DMPK: variants seen among roughly 807,000 people sequenced by gnomAD.
The protein encoded by DMPK is myotonin-protein kinase.
DMPK carries 32 observed loss-of-function variants against 70.3 expected under a neutral mutation model. The observed-to-expected ratio is 0.46, with a 90% CI of 0.34 to 0.61. The LOEUF is 0.61. Among genes scored for constraint, DMPK ranks in the 20% least tolerant of loss-of-function variants. The pLI is 0.01. For missense variants in DMPK, 899 were observed against 886.0 expected (o/e 1.01, Z -0.19); for synonymous variants, 469 against 390.9 (o/e 1.20, Z -2.36).
chr19:45,778,280 G>T (rs982843130), intron 5 of DMPK, 60 bp from the exon 6 acceptor site: 9 of 1,522,202 alleles, frequency 5.9e-6, no homozygotes, highest in Non-Finnish European at 8.1e-6. Flanking sequence ...GTCCCACCAG[G>T]CTCCGCCCCT....
intron 10 of DMPK, 146 bp downstream of exon 10, chr19:45,772,495 T>C (rs1236858493): frequency 1.8e-6 from 1 of 545,590 alleles, no homozygotes; most frequent in Non-Finnish European, 3.2e-6. Flanking sequence ...CCGTCCCATG[T>C]CTGAAGTAAC....
chr19:45,771,580 C>G lies in DMPK; in HGVS notation c.1588G>C (p.Glu530Gln), dbSNP rs1256704002. 1 of 1,613,876 alleles carries G rather than the reference C, an allele frequency of 6.2e-7. No individual in the cohort carries two copies. Among genetic ancestry groups the G allele is most frequent in the African/African-American group, 1.3e-5 (1 of 74,918 alleles). The change falls in exon 12 of 15, where the codon GAG (glutamate) becomes CAG (glutamine). Residue 530 changes from glutamate (E) to glutamine (Q), a missense_variant. Coordinates refer to ENST00000291270, the MANE Select transcript of DMPK (RefSeq NM_004409.5). ...ATGAGGGACTCACCTGTGGCTCCCT[C>G]TGCCTGCAGCAACTCCATCCGCTCC... ...LQERMELLQAEGATAVTGVPS... is the reference protein window; with the variant it reads ...LQERMELLQAQGATAVTGVPS...
intron 9 of DMPK, among the ~76,000 whole-genome samples, chr19:45,774,078 T>C (rs913442667): frequency 1.7e-4 from 25 of 150,758 alleles, no homozygotes; most frequent in African/African-American, 5.4e-4. Context: ...CTCAGCCTCC[T>C]GAGTAGCTGG....
At position 45,778,608 on chromosome 19, in the gene DMPK, G is replaced by T. The variant is rs750445251; in HGVS notation, c.466C>A (p.Leu156Met). ...LVMEYYVGGD[L>M]LTLLSKFGER... is the part of the protein sequence containing the mutation. Reference sequence around the variant, plus strand: ...CCAAACTTGCTCAGCAGTGTCAGCAGGTCCCCGCCCACGTAATACTCCATG... The same window carrying T: ...CCAAACTTGCTCAGCAGTGTCAGCATGTCCCCGCCCACGTAATACTCCATG... Residue 156 changes from leucine (L) to methionine (M), a missense_variant, in exon 5 of 15, where the codon CTG becomes ATG. Coordinates refer to ENST00000291270, the MANE Select transcript of DMPK (RefSeq NM_004409.5). 2 of 1,613,814 alleles carry T rather than the reference G, an allele frequency of 1.2e-6. No individual in the cohort carries two copies. Among genetic ancestry groups the T allele is most frequent in the South Asian group, 2.2e-5 (2 of 91,086 alleles).
intron 9 of DMPK, among the ~76,000 whole-genome samples, chr19:45,773,586 A>G (rs575002841): frequency 6.6e-6 from 1 of 152,344 alleles, no homozygotes; most frequent in African/African-American, 2.4e-5. Context: ...AGCTCACGAG[A>G]TATCAACTTC....
rs781435746 is a variant in DMPK, at chr19:45,782,208, C to T, written c.145G>A (p.Asp49Asn). The T allele has an allele frequency of 8.0e-6, 12 of 1,503,812 alleles. No homozygotes were observed. The highest frequency in any genetic ancestry group is 2.3e-5 in the South Asian group (2 of 85,678). The allele number at this position is 1,503,812 out of a possible 1,614,324, so 93.2% of individuals were successfully genotyped here. ...AGGCACTCACCCCACTGCAAGAAGT[C>T]GGCCACGTACTTGTCCTGGGCCAGT... ...SELAQDKYVA[D>N]FLQWAEPIVV... The change falls in exon 1 of 15, where the codon GAC becomes AAC. Residue 49 changes from aspartate to asparagine, a missense_variant. Coordinates refer to ENST00000291270, the MANE Select transcript of DMPK (RefSeq NM_004409.5).
Position 45,771,437 on chromosome 19 carries a change from G to C in DMPK, c.1601-41C>G, listed in dbSNP as rs1043288925. On this transcript the variant is annotated intron_variant, in intron 12 of 14. Transcript: ENST00000291270. ...AGAGGCATAGGGCGCGTGGAGGGGCGAAGGAGGGCGGTGGCGCGGCGTGCC... is the reference window on the plus strand; with the variant it reads ...AGAGGCATAGGGCGCGTGGAGGGGCCAAGGAGGGCGGTGGCGCGGCGTGCC... 17 of 1,611,136 alleles carry C rather than the reference G, an allele frequency of 1.1e-5. 1 individual carries two copies. The Middle Eastern group carries it at 8.5e-4, about 80-fold the overall frequency.
At position 45,771,009 on chromosome 19, in the gene DMPK, C is replaced by G. The variant is rs763588179; in HGVS notation, c.1699G>C (p.Gly567Arg). ...AGCAGGTGGCGGCGGTGCATGGGGC[C>G]TGGCCCCACCAGCGGGCACTGGCCC... Reference protein sequence around the residue: ...AVGQCPLVGPGPMHRRHLLLP... With the variant: ...AVGQCPLVGPRPMHRRHLLLP... The change falls in exon 14 of 15, where the codon GGC becomes CGC. Residue 567 changes from glycine (G) to arginine (R), a missense_variant. Coordinates refer to ENST00000291270, the MANE Select transcript of DMPK (RefSeq NM_004409.5). 2.0e-6 allele frequency: 3 copies of G among 1,472,618 alleles called. No individual in the cohort carries two copies. Among genetic ancestry groups the G allele is most frequent in the Non-Finnish European group, 2.7e-6 (3 of 1,115,842 alleles). 91.2% of individuals were successfully genotyped at this position (1,472,618 alleles called of 1,614,324 possible).
In DMPK at chr19:45,771,785, G is replaced by C. The variant is rs751708764; in HGVS notation, c.1488C>G (p.Asn496Lys). 1 of 1,571,104 alleles carries C rather than the reference G, an allele frequency of 6.4e-7. No individual in the cohort carries two copies. Among genetic ancestry groups the C allele is most frequent in the East Asian group, 2.4e-5 (1 of 42,386 alleles). ...CCGATCCCGACCTGGCGAAGTTCTG[G>C]TTGTCCGTGCGGATGGCCTCCATCT... ...SREMEAIRTD[N>K]QNFASQLREA... Residue 496 changes from asparagine (N) to lysine (K), a missense_variant, in exon 11 of 15, where the codon AAC (asparagine) becomes AAG (lysine). By Grantham distance (94) the Asn-to-Lys change is moderately conservative (BLOSUM62 0). Transcript: ENST00000291270.
chr19:45,778,728 C>T lies in DMPK; in HGVS notation c.433-87G>A, dbSNP rs909467891. ...GCTGGGACAACCCCTCCCAGAGACA[C>T]CCCATCCTTGGGCAGAGACCTGCAG... On this transcript the variant is annotated intron_variant, in intron 4 of 14. Transcript: ENST00000291270. The T allele has an allele frequency of 1.9e-5, 27 of 1,409,250 alleles. No individual in the cohort carries two copies. In the East Asian group the frequency reaches 5.9e-4, roughly 31 times the overall value. 87.3% of individuals were successfully genotyped at this position (1,409,250 alleles called of 1,614,324 possible).
At chr19:45,782,159 C>A (rs756892589) in intron 1 of DMPK, 34 bp downstream of exon 1, 4 of 1,345,322 alleles carry the variant, frequency 3.0e-6, no homozygotes, top group South Asian at 1.5e-5. Flanking sequence ...CCACCCCCAC[C>A]CCATCTGCAG....
In DMPK at chr19:45,771,400, G is replaced by C. The variant is rs778687006; in HGVS notation, c.1601-4C>G. ...GGACTGGGGACCCCCGTGACAGCTG[G>C]AAGGAGAAGAAAGAGGCATAGGGCG... On this transcript the variant is annotated splice_region_variant and splice_polypyrimidine_tract_variant and intron_variant, in intron 12 of 14. Transcript: ENST00000291270. 3.1e-6 allele frequency: 5 copies of C among 1,608,266 alleles called. No individual in the cohort carries two copies. The African/African-American group carries it at 6.7e-5, about 22-fold the overall frequency.
chr19:45,775,097 C>A (rs1969707424), intron 8 of DMPK, 63 bp from the exon 9 acceptor site: 9 of 1,352,390 alleles, frequency 6.7e-6, no homozygotes, highest in African/African-American at 1.4e-5. Context: ...GCTTTTTGAT[C>A]TTGGCTTACA....
intron 9 of DMPK, among the ~76,000 whole-genome samples, chr19:45,773,034 C>CA (rs2146231879): frequency 6.6e-6 from 1 of 152,376 alleles, no homozygotes; most frequent in East Asian, 1.9e-4. Context: ...AGGGTCAGCT[C>CA]ATCTCCTCCC....
intron 9 of DMPK, among the ~76,000 whole-genome samples, chr19:45,774,423 G>A (rs1271317707): frequency 6.6e-6 from 1 of 151,770 alleles, no homozygotes; most frequent in Non-Finnish European, 1.5e-5. Flanking sequence ...CACCATGCCC[G>A]GCTAATTTTT....
rs756284189 is a variant in DMPK at position 45,778,257 on chromosome 19, C to T, written c.582-37G>A. ...AAAAGAGAAGGGTGGGATAAATGAA[C>T]CTCCCTTCTGTGGTCCCACCAGGCT... On this transcript the variant is annotated intron_variant, in intron 5 of 14. Coordinates refer to ENST00000291270, the MANE Select transcript of DMPK (RefSeq NM_004409.5). 1.3e-5 allele frequency: 21 copies of T among 1,578,242 alleles called. No individual in the cohort carries two copies. In the South Asian group the frequency reaches 1.8e-4, roughly 14 times the overall value.
chr19:45,778,576 C>G lies in DMPK; in HGVS notation c.498G>C (p.Arg166=), dbSNP rs956605848. 2 of 1,614,024 alleles carry G rather than the reference C, an allele frequency of 1.2e-6. No individual in the cohort carries two copies. The highest frequency in any genetic ancestry group is 1.7e-6 in the Non-Finnish European group (2 of 1,180,022). Residue 166 remains arginine, a synonymous_variant, in exon 5 of 15, where the codon CGG becomes CGC. Transcript: ENST00000291270. ...AGAAGCGCGCCATCTCGGCCGGAATCCGCTCCCCAAACTTGCTCAGCAGTG... is the reference window on the plus strand; with the variant it reads ...AGAAGCGCGCCATCTCGGCCGGAATGCGCTCCCCAAACTTGCTCAGCAGTG... ...LLTLLSKFGE[R]IPAEMARFYL...
chr19:45,780,328 G>C (rs199935282), intron 1 of DMPK: 1 of 1,554,450 alleles, frequency 6.4e-7, no homozygotes, highest in Admixed American at 1.7e-5. Flanking sequence ...AGTACCTCTA[G>C]ATTCAGATGC....
At position 45,777,644 on chromosome 19, in the gene DMPK, G is replaced by C; in HGVS notation, c.882+23C>G. On this transcript the variant is annotated intron_variant, in intron 7 of 14. Coordinates refer to ENST00000291270, the MANE Select transcript of DMPK (RefSeq NM_004409.5). This position sits in a 1 kb window ranked among gnomAD's most constrained non-coding sequence, Gnocchi z 6.7. ...TGGGAGCGCCTACCGGGAGAGGCCA[G>C]GTCTCCCTGCGGCCGTGCTCACCTT... The C allele has an allele frequency of 6.2e-7, 1 of 1,613,740 alleles. No individual in the cohort carries two copies. Among genetic ancestry groups the C allele is most frequent in the Non-Finnish European group, 8.5e-7 (1 of 1,179,942 alleles).
Sources: allele counts gnomAD v4.1 joint callset (sites outside exome capture counted in the v4.1 genomes callset), GRCh38; gene constraint gnomAD v4.1.1; non-coding constraint Gnocchi (gnomAD v3.1); transcripts MANE v1.5; gene names NCBI Gene and HGNC (gene_info 2026-07-23, HGNC 2026-07-21).